The following SEMA4F variants were observed in gnomAD, a reference collection of about 807,000 sequenced individuals.
SEMA4F encodes ssemaphorin 4F.
Under a neutral mutation model 78.4 loss-of-function variants are expected in SEMA4F, and 51 were observed. That is an observed-to-expected ratio of 0.65 (90% CI 0.52 to 0.82). SEMA4F has a LOEUF of 0.82. Ranked by LOEUF, SEMA4F falls within the 40% of genes least tolerant of loss-of-function variation. The pLI is 0.00. For synonymous variants in SEMA4F, 418 were observed against 408.7 expected (o/e 1.02, Z -0.27); for missense variants, 938 against 1,014.4 (o/e 0.92, Z 1.02).
chr2:74,675,144 G>T lies in SEMA4F; in HGVS notation c.1150-18G>T. The T allele has an allele frequency of 6.2e-7, 1 of 1,613,952 alleles. No individual in the cohort carries two copies. The highest frequency in any genetic ancestry group is 1.1e-5 in the South Asian group (1 of 91,076). ...CTGTTCCTGGGAAACTTTGTCACCA[G>T]CCCTGTATTTCCTCTAGTGCATCAC... On this transcript the variant is annotated intron_variant, in intron 9 of 13. Coordinates refer to ENST00000357877, the MANE Select transcript of SEMA4F (RefSeq NM_004263.5).
At chr2:74,655,067 C>T (rs192598568) in intron 1 of SEMA4F, among the ~76,000 whole-genome samples, 1 of 152,188 alleles carries the variant, frequency 6.6e-6, no homozygotes, top group Non-Finnish European at 1.5e-5. Flanking sequence ...TATACATCAT[C>T]CGAGCCTCTT....
chr2:74,674,953 G>A lies in SEMA4F; in HGVS notation c.1067G>A (p.Gly356Asp). 6.2e-7 allele frequency: 1 copy of A among 1,613,940 alleles called. No homozygotes were observed. The highest frequency in any genetic ancestry group is 8.5e-7 in the Non-Finnish European group (1 of 1,180,014). Residue 356 changes from glycine to aspartate, a missense_variant, in exon 9 of 14, where the codon GGT becomes GAT. Physicochemically the swap from Gly to Asp is moderately conservative, Grantham distance 94. Transcript: ENST00000357877. Reference protein sequence around the residue: ...RPQDIRTVLNGPFRELKHDCN... With the variant: ...RPQDIRTVLNDPFRELKHDCN... ...CAAGACATTCGGACAGTGCTGAATG[G>A]TCCCTTCAGAGAACTAAAACATGAC...
chr2:74,673,000 A>G (rs1004993616), intron 5 of SEMA4F, among the ~76,000 whole-genome samples: 5 of 152,200 alleles, frequency 3.3e-5, no homozygotes, highest in Non-Finnish European at 7.3e-5. Context: ...ACTTGTTCCA[A>G]AGCAGTGTAC....
the SEMA4F span, among the ~76,000 whole-genome samples, chr2:74,702,913 A>G: frequency 0.28 from 43,018 of 151,922 alleles, 8,989 homozygotes; most frequent in East Asian, 0.82. Flanking sequence ...CTCATTGAAA[A>G]GCTGAAATGG....
the SEMA4F span, among the ~76,000 whole-genome samples, chr2:74,692,759 A>AG: frequency 6.6e-6 from 1 of 152,248 alleles, no homozygotes; most frequent in African/African-American, 2.4e-5. Context: ...GGCAGGGACC[A>AG]GGCAGAGCAG....
chr2:74,671,450 C>T (rs182736498), intron 5 of SEMA4F, among the ~76,000 whole-genome samples: 27 of 152,338 alleles, frequency 1.8e-4, no homozygotes, highest in Admixed American at 1.7e-3. Context: ...GTGGTTCTGG[C>T]TGAGGTTTCA....
chr2:74,687,852 G>A (rs759854747), downstream of SEMA4F, among the ~76,000 whole-genome samples: 1 of 152,090 alleles, frequency 6.6e-6, no homozygotes, highest in South Asian at 2.1e-4. Context: ...TTTGTGTCTG[G>A]TTGTCCACAG....
At chr2:74,692,999 A>C in the SEMA4F span, among the ~76,000 whole-genome samples, 1 of 152,216 alleles carries the variant, frequency 6.6e-6, no homozygotes. Context: ...AAAAATAAGA[A>C]TCACTTCAAA....
At position 74,675,920 on chromosome 2, in the gene SEMA4F, C is replaced by T; in HGVS notation, c.1643+11C>T. 1 of 1,602,568 alleles carries T rather than the reference C, an allele frequency of 6.2e-7. No individual in the cohort carries two copies. Among genetic ancestry groups the T allele is most frequent in the Non-Finnish European group, 8.5e-7 (1 of 1,174,564 alleles). On this transcript the variant is annotated intron_variant, in intron 12 of 13. Coordinates refer to ENST00000357877, the MANE Select transcript of SEMA4F (RefSeq NM_004263.5). ...CGGGGAGCACCGAGGGTGAGTGTAG[C>T]TGCCTGGATTTCTTGCTTACTGTGC...
chr2:74,699,487 G>C, the SEMA4F span, among the ~76,000 whole-genome samples: 1 of 152,220 alleles, frequency 6.6e-6, no homozygotes, highest in Non-Finnish European at 1.5e-5. Context: ...TCCAAGTGAA[G>C]ATGCCACATA....
At chr2:74,657,534 CT>C in intron 2 of SEMA4F, 30 bp from the exon 3 acceptor site, 1 of 1,606,738 alleles carries the variant, frequency 6.2e-7, no homozygotes, top group Non-Finnish European at 8.5e-7. Context: ...TTAGGGGAAT[CT>C]GGGTGAAATG....
chr2:74,655,101 C>T (rs1052491027), intron 1 of SEMA4F, among the ~76,000 whole-genome samples: 1 of 152,196 alleles, frequency 6.6e-6, no homozygotes, highest in Non-Finnish European at 1.5e-5. Context: ...GCCCTTCCCG[C>T]TCCCCTGACA....
intron 1 of SEMA4F, among the ~76,000 whole-genome samples, chr2:74,655,612 C>T (rs993126355): frequency 6.6e-6 from 1 of 152,126 alleles, no homozygotes; most frequent in African/African-American, 2.4e-5. Flanking sequence ...TCAGTTTGCA[C>T]CCAAGCAATA....
chr2:74,703,334 ACAAGG>A, the SEMA4F span, among the ~76,000 whole-genome samples: 2 of 152,214 alleles, frequency 1.3e-5, no homozygotes, highest in Non-Finnish European at 2.9e-5. Context: ...GATAGAACAA[ACAAGG>A]CATTATTATG....
chr2:74,665,762 C>CA (rs1279388137), intron 5 of SEMA4F, among the ~76,000 whole-genome samples: 1 of 152,110 alleles, frequency 6.6e-6, no homozygotes, highest in Admixed American at 6.5e-5. Context: ...TGATGACACT[C>CA]AGAGTCATTA....
chr2:74,671,270 T>G (rs1684973265), intron 5 of SEMA4F, among the ~76,000 whole-genome samples: 1 of 152,262 alleles, frequency 6.6e-6, no homozygotes. Flanking sequence ...GCTGCCCTTG[T>G]AGGGCTCTGG....
chr2:74,695,897 G>T, the SEMA4F span, among the ~76,000 whole-genome samples: 1 of 152,112 alleles, frequency 6.6e-6, no homozygotes, highest in Admixed American at 6.6e-5. Flanking sequence ...ACAACACAGG[G>T]TGCGATCCAG....
chr2:74,675,709 G>A, intron 11 of SEMA4F, 40 bp from the exon 12 acceptor site: 1 of 1,613,632 alleles, frequency 6.2e-7, no homozygotes, highest in Non-Finnish European at 8.5e-7. Flanking sequence ...TGAGGTCTGG[G>A]AGATCCAGTG....
chr2:74,675,271 C>T lies in SEMA4F; in HGVS notation c.1259C>T (p.Pro420Leu). Reference sequence around the variant, plus strand: ...CCACTCATGGACAGGCCAGTGTTTCCAGCTGATGGCCACCCCCTGCTGGTC... The same window carrying T: ...CCACTCATGGACAGGCCAGTGTTTCTAGCTGATGGCCACCCCCTGCTGGTC... Reference protein sequence around the residue: ...DHPLMDRPVFPADGHPLLVTT... With the variant: ...DHPLMDRPVFLADGHPLLVTT... The change falls in exon 10 of 14, where the codon CCA becomes CTA. Residue 420 changes from proline (P) to leucine (L), a missense_variant. Transcript: ENST00000357877. 6.2e-7 allele frequency: 1 copy of T among 1,614,194 alleles called. No homozygotes were observed. The highest frequency in any genetic ancestry group is 8.5e-7 in the Non-Finnish European group (1 of 1,180,032).
Sources: allele counts gnomAD v4.1 joint callset (sites outside exome capture counted in the v4.1 genomes callset), GRCh38; gene constraint gnomAD v4.1.1; transcripts MANE v1.5; gene names NCBI Gene and HGNC (gene_info 2026-07-23, HGNC 2026-07-21).